Variants in UAP1 observed in about 807,000 individuals in gnomAD.
UAP1 encodes UDP-N-acetylhexosamine pyrophosphorylase.
A neutral mutation model predicts 58.5 loss-of-function variants in UAP1; 25 were observed. The observed-to-expected ratio is 0.43, with a 90% CI of 0.31 to 0.60. The LOEUF is 0.60. Among genes scored for constraint, UAP1 ranks in the 20% least tolerant of loss-of-function variants. The pLI is 0.11. For missense variants in UAP1, 575 were observed against 630.0 expected (o/e 0.91, Z 0.93); for synonymous variants, 208 against 213.0 (o/e 0.98, Z 0.21).
exon 5 of UAP1, chr1:162,581,377 G>A (rs1178316056): frequency 6.2e-7 from 1 of 1,614,104 alleles, no homozygotes; most frequent in Non-Finnish European, 8.5e-7. Flanking sequence ...CATGTCTATT[G>A]TGTTGACAAC....
intron 2 of UAP1, among the ~76,000 whole-genome samples, chr1:162,574,520 T>A (rs1370309805): frequency 6.6e-6 from 1 of 152,244 alleles, no homozygotes; most frequent in Non-Finnish European, 1.5e-5. Context: ...TTAAAATAAT[T>A]GATAGTTGCC....
intron 10 of UAP1, among the ~76,000 whole-genome samples, chr1:162,598,811 C>T (rs553164670): frequency 4.1e-4 from 62 of 152,034 alleles, no homozygotes; most frequent in African/African-American, 1.3e-3. Context: ...GTCAGGAGTT[C>T]GAGACCAGCC....
At chr1:162,586,655 A>G (rs182809656) in intron 5 of UAP1, among the ~76,000 whole-genome samples, 52 of 152,278 alleles carry the variant, frequency 3.4e-4, no homozygotes, top group Non-Finnish European at 5.6e-4. Flanking sequence ...TAAACACTTA[A>G]GTCAGTGATG....
Position 162,590,461 on chromosome 1 carries a change from AG to A in UAP1, c.1313del (p.Gly438AlafsTer4), listed in dbSNP as rs756961691. On this transcript the variant is annotated frameshift_variant, in exon 8 of 11. Transcript: ENST00000271469. LOFTEE classifies it high-confidence loss of function. ...TTCATCATTGCTGGGTCCTCAATGC[AG>A]GGGGCCATTTCATAGATGAAAATGG... 1.9e-6 allele frequency: 3 copies of A among 1,610,086 alleles called. No individual in the cohort carries two copies. Among genetic ancestry groups the A allele is most frequent in the Non-Finnish European group, 1.7e-6 (2 of 1,178,080 alleles).
exon 6 of UAP1, chr1:162,587,609 C>T (rs1654978658): frequency 6.2e-7 from 1 of 1,614,104 alleles, no homozygotes; most frequent in Non-Finnish European, 8.5e-7. Context: ...GACTGCTGTT[C>T]AATGCGGGGA....
downstream of UAP1, among the ~76,000 whole-genome samples, chr1:162,600,958 C>T (rs1030584142): frequency 3.3e-5 from 5 of 151,952 alleles, no homozygotes; most frequent in Non-Finnish European, 5.9e-5. Flanking sequence ...CTATTTCCAC[C>T]TGCTATTTAT....
chr1:162,588,708 G>T, exon 7 of UAP1: 1 of 1,609,838 alleles, frequency 6.2e-7, no homozygotes, highest in Non-Finnish European at 8.5e-7. Context: ...ATGAACCTCA[G>T]TTGCAGCACC....
chr1:162,571,031 C>T (rs181008806), intron 2 of UAP1, among the ~76,000 whole-genome samples: 6 of 150,690 alleles, frequency 4.0e-5, no homozygotes, highest in African/African-American at 1.5e-4. Context: ...CTTGGGCCCA[C>T]AATGCATGAC....
At chr1:162,600,781 A>T (rs1423919998), downstream of UAP1, among the ~76,000 whole-genome samples, 1 of 151,076 alleles carries the variant, frequency 6.6e-6, no homozygotes, top group Non-Finnish European at 1.5e-5. Flanking sequence ...TGCTATTGTT[A>T]TCTATTCCAG....
intron 2 of UAP1, among the ~76,000 whole-genome samples, chr1:162,574,342 C>T (rs1654048102): frequency 6.6e-6 from 1 of 152,160 alleles, no homozygotes; most frequent in African/African-American, 2.4e-5. Flanking sequence ...ATTTACCCAC[C>T]TTGGCCTTCC....
downstream of UAP1, among the ~76,000 whole-genome samples, chr1:162,600,736 A>G (rs1655868258): frequency 6.6e-6 from 1 of 151,122 alleles, no homozygotes; most frequent in Non-Finnish European, 1.5e-5. Context: ...TTCATTTAGC[A>G]TATTTTCTAT....
At chr1:162,561,976 A>C (rs1472264342) in intron 1 of UAP1, among the ~76,000 whole-genome samples, 199 bp downstream of exon 1, 1 of 152,176 alleles carries the variant, frequency 6.6e-6, no homozygotes, top group African/African-American at 2.4e-5. Context: ...TGCGCCCCGC[A>C]GTCGCACCCC....
At chr1:162,594,187 AG>A (rs1655488844) in intron 9 of UAP1, among the ~76,000 whole-genome samples, 1 of 152,210 alleles carries the variant, frequency 6.6e-6, no homozygotes, top group Non-Finnish European at 1.5e-5. Flanking sequence ...GTATAGAATC[AG>A]TGGGAGCCCT....
chr1:162,577,239 C>T (rs755559481), intron 3 of UAP1, among the ~76,000 whole-genome samples: 1 of 151,852 alleles, frequency 6.6e-6, no homozygotes, highest in Non-Finnish European at 1.5e-5. Flanking sequence ...AGTGAGCTCT[C>T]TGCATCTAGA....
chr1:162,577,692 A>G (rs969131981), intron 3 of UAP1, among the ~76,000 whole-genome samples: 1 of 150,728 alleles, frequency 6.6e-6, no homozygotes. Flanking sequence ...GCCCACTGCA[A>G]CCCCTGCCTC....
chr1:162,585,801 G>C (rs1413233567), intron 5 of UAP1, among the ~76,000 whole-genome samples: 1 of 151,184 alleles, frequency 6.6e-6, no homozygotes, highest in African/African-American at 2.4e-5. Flanking sequence ...AAAAAAGAGA[G>C]AGAATAAGGG....
chr1:162,599,543 A>C (rs1429518303), exon 11 of UAP1: 2 of 440,924 alleles, frequency 4.5e-6, no homozygotes, highest in Non-Finnish European at 8.1e-6. Flanking sequence ...AATTTCAGAT[A>C]GCATTTTTAT....
At chr1:162,594,578 T>A (rs1655511286) in intron 9 of UAP1, among the ~76,000 whole-genome samples, 1 of 152,228 alleles carries the variant, frequency 6.6e-6, no homozygotes, top group African/African-American at 2.4e-5. Context: ...CCTTTATCAC[T>A]TTCTGTCTCA....
chr1:162,571,767 A>G (rs1031113966), intron 2 of UAP1, among the ~76,000 whole-genome samples: 2 of 152,216 alleles, frequency 1.3e-5, no homozygotes, highest in African/African-American at 2.4e-5. Context: ...TCATCATAAG[A>G]CAGATACTAA....
Sources: gnomAD v4.1 joint callset for allele counts (sites outside exome capture counted in the v4.1 genomes callset) on GRCh38, gnomAD v4.1.1 for gene constraint, MANE v1.5 for transcripts, NCBI Gene and HGNC (gene_info 2026-07-23, HGNC 2026-07-21) for gene names.